The following CCDC13 variants were observed in gnomAD, a reference collection of about 807,000 sequenced individuals.
The protein encoded by CCDC13 is coiled-coil domain containing 13.
In CCDC13, 70 loss-of-function variants were observed where a neutral mutation model predicts 87.3. The observed-to-expected ratio is 0.80, with a 90% confidence interval of 0.66 to 0.98. The LOEUF is 0.98. Ranked by LOEUF, CCDC13 falls within the 50% of genes least tolerant of loss-of-function variation. CCDC13 has a pLI of 0.00. For missense variants in CCDC13, 842 were observed against 892.0 expected (o/e 0.94, Z 0.71); for synonymous variants, 317 against 360.3 (o/e 0.88, Z 1.36).
intron 1 of CCDC13, among the ~76,000 whole-genome samples, chr3:42,765,460 C>G (rs1699909647): frequency 6.6e-6 from 1 of 152,146 alleles, no homozygotes; most frequent in African/African-American, 2.4e-5. Flanking sequence ...GGCTGGAGTG[C>G]AATGGCACGA....
intron 13 of CCDC13, among the ~76,000 whole-genome samples, chr3:42,729,678 A>C (rs1235120615): frequency 6.6e-6 from 1 of 152,182 alleles, no homozygotes; most frequent in Non-Finnish European, 1.5e-5. Flanking sequence ...CCTGCTACCA[A>C]AGATGCCTGC....
In CCDC13 at chr3:42,730,507, G is replaced by A. The variant is rs370757052; in HGVS notation, c.1678C>T (p.Arg560Cys). The A allele has an allele frequency of 1.4e-5, 23 of 1,614,024 alleles. No homozygotes were observed. Among genetic ancestry groups the A allele is most frequent in the East Asian group, 2.2e-5 (1 of 44,884 alleles). Residue 560 changes from arginine (R) to cysteine (C), a missense_variant, in exon 13 of 16, where the codon CGT becomes TGT. Physicochemically the swap from Arg to Cys is radical, Grantham distance 180 (BLOSUM62 -3). Transcript: ENST00000310232. ...KALWQAAEVERDRLTEFVTVL... is the reference protein window; with the variant it reads ...KALWQAAEVECDRLTEFVTVL... ...GTGACAAACTCGGTGAGCCGGTCAC[G>A]CTCCACCTCGGCAGCCTGCCAGAGG...
Position 42,732,659 on chromosome 3 carries a change from G to A in CCDC13, c.1595+228C>T, listed in dbSNP as rs1698872175. The A allele has an allele frequency of 9.0e-6, 5 of 555,302 alleles. No homozygotes were observed. In the South Asian group the frequency reaches 1.2e-4, roughly 13 times the overall value. 34.4% of individuals were successfully genotyped at this position (555,302 alleles called of 1,614,324 possible). ...CCTCAGGTTAATTCTCACGTAGCAG[G>A]TAGGAACCCTAGCCTGGGAGTCAGA... On this transcript the variant is annotated intron_variant, in intron 12 of 15. Coordinates refer to ENST00000310232, the MANE Select transcript of CCDC13 (RefSeq NM_144719.4).
At chr3:42,732,037 A>G (rs546482725) in intron 12 of CCDC13, among the ~76,000 whole-genome samples, 23 of 152,290 alleles carry the variant, frequency 1.5e-4, no homozygotes, top group African/African-American at 4.8e-4. Context: ...TACTGTGACT[A>G]AAACCTCAGA....
rs765582369 is a variant in CCDC13, at chr3:42,713,289, C to G, written c.1746G>C (p.Leu582=). 1 of 1,614,124 alleles carries G rather than the reference C, an allele frequency of 6.2e-7. No homozygotes were observed. The change falls in exon 14 of 16, where the codon CTG becomes CTC. Residue 582 remains leucine (L), a synonymous_variant. Coordinates refer to ENST00000310232, the MANE Select transcript of CCDC13 (RefSeq NM_144719.4). ...CCTCCTGCAGCTTCCTCTCTGACTCCAGGAGCTTGCTGTTGCTCTCCTCCA... is the reference window on the plus strand; with the variant it reads ...CCTCCTGCAGCTTCCTCTCTGACTCGAGGAGCTTGCTGTTGCTCTCCTCCA... ...KRVEESNSKL[L]ESERKLQEER...
intron 14 of CCDC13, among the ~76,000 whole-genome samples, chr3:42,710,304 A>G (rs951552987): frequency 8.6e-5 from 13 of 151,688 alleles, no homozygotes; most frequent in Admixed American, 2.0e-4. Flanking sequence ...GGGTTTTATC[A>G]TGTTGGCTAG....
chr3:42,715,484 T>C (rs1241112569), intron 13 of CCDC13, among the ~76,000 whole-genome samples: 3 of 151,856 alleles, frequency 2.0e-5, no homozygotes, highest in African/African-American at 7.3e-5. Flanking sequence ...CGGTGGCGTG[T>C]GCTTGTAGTC....
rs777796591 is a variant in CCDC13 at position 42,713,226 on chromosome 3, C to T, written c.1809G>A (p.Glu603=). 9.3e-6 allele frequency: 15 copies of T among 1,614,218 alleles called. No individual in the cohort carries two copies. Among genetic ancestry groups the T allele is most frequent in the Non-Finnish European group, 1.3e-5 (15 of 1,180,028 alleles). Residue 603 remains glutamate (E), a synonymous_variant, in exon 14 of 16, where the codon GAG becomes GAA. Transcript: ENST00000310232. ...CCTTCCCTGGCTCCAGGCGTATCTTCTCCAGATGTTGCTCCAGCACCACGG... is the reference window on the plus strand; with the variant it reads ...CCTTCCCTGGCTCCAGGCGTATCTTTTCCAGATGTTGCTCCAGCACCACGG... ...HRTVVLEQHL[E]KIRLEPGKAS...
At chr3:42,712,199 G>C (rs1042209905) in intron 14 of CCDC13, among the ~76,000 whole-genome samples, 1 of 152,112 alleles carries the variant, frequency 6.6e-6, no homozygotes, top group African/African-American at 2.4e-5. Context: ...GGCTGGGGAG[G>C]GGTTGGGGGG....
intron 1 of CCDC13, among the ~76,000 whole-genome samples, chr3:42,758,788 A>C (rs1392031197): frequency 2.6e-5 from 4 of 152,126 alleles, no homozygotes; most frequent in Non-Finnish European, 5.9e-5. Context: ...TATAATTCAC[A>C]TGCAATAAAG....
rs756131840 is a variant in CCDC13 at position 42,752,440 on chromosome 3, T to C, written c.513+135A>G. On this transcript the variant is annotated intron_variant, in intron 4 of 15. Transcript: ENST00000310232. ...TTGGATTTAAAATGCAGCACCACCA[T>C]ATACTGCGTGACTTGAGAAAGCCTC... 4 of 1,091,614 alleles carry C rather than the reference T, an allele frequency of 3.7e-6. No homozygotes were observed. The South Asian group carries it at 6.1e-5, about 17-fold the overall frequency. The allele number at this position is 1,091,614 out of a possible 1,614,324, so 67.6% of individuals were successfully genotyped here.
At chr3:42,753,820 ATC>A (rs897800512) in intron 3 of CCDC13, among the ~76,000 whole-genome samples, 8 of 152,236 alleles carry the variant, frequency 5.3e-5, no homozygotes, top group Non-Finnish European at 1.2e-4. Context: ...TGCTTAGAGT[ATC>A]TGAGGACCAT....
chr3:42,732,644 A>T (rs866561558), intron 12 of CCDC13: 378 of 530,520 alleles, frequency 7.1e-4, no homozygotes, highest in South Asian at 2.4e-3. Flanking sequence ...CCTCAGGTTA[A>T]TTCTCACGTA....
At chr3:42,709,891 T>G (rs1403090717) in intron 14 of CCDC13, 93 bp from the exon 15 acceptor site, 3 of 960,228 alleles carry the variant, frequency 3.1e-6, no homozygotes. Context: ...TGCCTGCTCT[T>G]CCACATGGTG....
chr3:42,739,494 G>A (rs1225899884), intron 9 of CCDC13, 140 bp downstream of exon 9: 2 of 901,338 alleles, frequency 2.2e-6, no homozygotes, highest in East Asian at 2.7e-5. Flanking sequence ...TTGGTACTGG[G>A]GGCCATCTGG....
intron 1 of CCDC13, among the ~76,000 whole-genome samples, chr3:42,764,344 A>G (rs1699891280): frequency 6.6e-6 from 1 of 152,184 alleles, no homozygotes; most frequent in Non-Finnish European, 1.5e-5. Context: ...AAGGAAGTCC[A>G]TTCAGATGGA....
intron 8 of CCDC13, 61 bp downstream of exon 8, chr3:42,742,835 C>T: frequency 6.3e-7 from 1 of 1,590,266 alleles, no homozygotes; most frequent in South Asian, 1.1e-5. Context: ...AGAGCCCTTG[C>T]AGGCACCATC....
At chr3:42,730,306 G>T (rs1156807535) in intron 13 of CCDC13, among the ~76,000 whole-genome samples, 161 bp downstream of exon 13, 1 of 152,118 alleles carries the variant, frequency 6.6e-6, no homozygotes, top group Non-Finnish European at 1.5e-5. Context: ...TGACGACAAG[G>T]CCCCAAGGTT....
Position 42,707,174 on chromosome 3 carries a change from C to T in CCDC13, c.*1806G>A, listed in dbSNP as rs1460008866. Reference sequence around the variant, plus strand: ...CTCATACTCAGATCACCCTCTGGAGCTCCTCAGGGCCTGCAGGAGAAGGTG... The same window carrying T: ...CTCATACTCAGATCACCCTCTGGAGTTCCTCAGGGCCTGCAGGAGAAGGTG... On this transcript the variant is annotated 3_prime_UTR_variant, in exon 16 of 16. Transcript: ENST00000310232. Among the ~76,000 whole-genome samples the T allele has an allele frequency of 6.6e-6, 1 of 152,198 alleles. No individual in the cohort carries two copies. Among genetic ancestry groups the T allele is most frequent in the Admixed American group, 6.5e-5 (1 of 15,278 alleles).
Sources: gnomAD v4.1 joint callset for allele counts (sites outside exome capture counted in the v4.1 genomes callset) on GRCh38, gnomAD v4.1.1 for gene constraint, MANE v1.5 for transcripts, NCBI Gene and HGNC (gene_info 2026-07-23, HGNC 2026-07-21) for gene names.